NOTUM: variants seen among roughly 807,000 people sequenced by gnomAD.
NOTUM encodes notum, palmitoleoyl-protein carboxylesterase.
In NOTUM, 36 loss-of-function variants were observed where a neutral mutation model predicts 65.5. That is an observed-to-expected ratio of 0.55 (90% CI 0.42 to 0.73). The LOEUF (loss-of-function observed/expected upper bound fraction) is 0.73. Among genes scored for constraint, NOTUM ranks in the 30% least tolerant of loss-of-function variants. NOTUM has a pLI of 0.00. For synonymous variants in NOTUM, 356 were observed against 297.9 expected (o/e 1.20, Z -2.01); for missense variants, 659 against 694.2 (o/e 0.95, Z 0.57).
chr17:81,959,308 G>A, intron 3 of NOTUM, 163 bp downstream of exon 3: 2 of 628,034 alleles, frequency 3.2e-6, no homozygotes, highest in East Asian at 2.7e-5. Flanking sequence ...TGTGGAATGG[G>A]CCCCAAAAGG....
Position 81,960,525 on chromosome 17 carries a change from A to T in NOTUM, c.323+62T>A. 8.4e-7 allele frequency: 1 copy of T among 1,191,876 alleles called. No homozygotes were observed. Among genetic ancestry groups the T allele is most frequent in the Non-Finnish European group, 1.1e-6 (1 of 885,972 alleles). The allele number at this position is 1,191,876 out of a possible 1,614,324, so 73.8% of individuals were successfully genotyped here. On this transcript the variant is annotated intron_variant, in intron 1 of 10. Transcript: ENST00000409678. This position sits in a 1 kb window ranked among gnomAD's most constrained non-coding sequence, Gnocchi z 6.4. ...GAGAGAACGGCCGCGGCCCGCAGGG[A>T]AGGTCCAGCCGGAGACCGGGCGCGT...
chr17:81,956,032 C>T (rs2041430733), intron 8 of NOTUM, among the ~76,000 whole-genome samples: 1 of 152,102 alleles, frequency 6.6e-6, no homozygotes, highest in African/African-American at 2.4e-5. Flanking sequence ...AGTCATAGGC[C>T]CCCACAGAAT....
At chr17:81,958,730 G>A (rs545314558) in intron 4 of NOTUM, among the ~76,000 whole-genome samples, 1 of 151,002 alleles carries the variant, frequency 6.6e-6, no homozygotes, top group East Asian at 2.0e-4. Context: ...TCCCCACCAG[G>A]AAGGACCATC....
chr17:81,957,124 C>T, intron 6 of NOTUM, 50 bp from the exon 7 acceptor site: 1 of 1,503,620 alleles, frequency 6.7e-7, no homozygotes, highest in Non-Finnish European at 9.0e-7. Flanking sequence ...GAGGCACTCA[C>T]CTCCCCCGAG....
chr17:81,958,003 G>A (rs2041446201), intron 5 of NOTUM, 95 bp from the exon 6 acceptor site: 13 of 906,620 alleles, frequency 1.4e-5, no homozygotes, highest in Non-Finnish European at 2.3e-5. Flanking sequence ...TTGCCCCACT[G>A]GGGGACTGGG....
Position 81,953,287 on chromosome 17 carries a change from G to C in NOTUM, c.1185-20C>G. 1 of 1,534,674 alleles carries C rather than the reference G, an allele frequency of 6.5e-7. No individual in the cohort carries two copies. Among genetic ancestry groups the C allele is most frequent in the South Asian group, 1.1e-5 (1 of 88,038 alleles). On this transcript the variant is annotated intron_variant, in intron 10 of 10. Coordinates refer to ENST00000409678, the MANE Select transcript of NOTUM (RefSeq NM_178493.6). ...CAGTGGCTGCAGAGGAAAACCGGGG[G>C]AGGGGGTCACATGTGCGGAGTGGCA...
In NOTUM at chr17:81,953,287, G is replaced by A. The variant is rs778280738; in HGVS notation, c.1185-20C>T. The A allele has an allele frequency of 7.8e-6, 12 of 1,534,530 alleles. No homozygotes were observed. In the African/African-American group the frequency reaches 1.2e-4, roughly 15 times the overall value. On this transcript the variant is annotated intron_variant, in intron 10 of 10. Coordinates refer to ENST00000409678, the MANE Select transcript of NOTUM (RefSeq NM_178493.6). Reference sequence around the variant, plus strand: ...CAGTGGCTGCAGAGGAAAACCGGGGGAGGGGGTCACATGTGCGGAGTGGCA... The same window carrying A: ...CAGTGGCTGCAGAGGAAAACCGGGGAAGGGGGTCACATGTGCGGAGTGGCA...
In NOTUM at chr17:81,953,141, C is replaced by T. The variant is rs2041400356; in HGVS notation, c.1311G>A (p.Val437=). ...TGCAGTGGGGCCAGGGGCAGCTGTC[C>T]ACCAGGTGGACGGGGCAGCCCTTGA... The part of the protein sequence containing the change: ...TPLKGCPVHL[V]DSCPWPHCNP... The change falls in exon 11 of 11, where the codon GTG becomes GTA. Residue 437 remains valine, a synonymous_variant. Coordinates refer to ENST00000409678, the MANE Select transcript of NOTUM (RefSeq NM_178493.6). 2 of 1,613,394 alleles carry T rather than the reference C, an allele frequency of 1.2e-6. No homozygotes were observed. Among genetic ancestry groups the T allele is most frequent in the Non-Finnish European group, 1.7e-6 (2 of 1,179,620 alleles).
chr17:81,959,577 G>A lies in NOTUM; in HGVS notation c.377-11C>T, dbSNP rs1161652987. The A allele has an allele frequency of 7.8e-6, 12 of 1,548,088 alleles. No homozygotes were observed. Among genetic ancestry groups the A allele is most frequent in the South Asian group, 6.0e-5 (5 of 83,976 alleles). On this transcript the variant is annotated splice_polypyrimidine_tract_variant and intron_variant, in intron 2 of 10. Transcript: ENST00000409678. ...AGCAGTACCAGCCGCCTGCGGACAC[G>A]ACCGCCGCTCAGGCCCGCGCGCACA...
Position 81,956,976 on chromosome 17 carries a change from G to A in NOTUM, c.794C>T (p.Ser265Phe). The change falls in exon 7 of 11, where the codon TCC becomes TTC. Residue 265 changes from serine to phenylalanine, a missense_variant. Coordinates refer to ENST00000409678, the MANE Select transcript of NOTUM (RefSeq NM_178493.6). The stretch of plus-strand genomic sequence containing the variant: ...CTGCTTGTTGTCCAGGAACCAGCCG[G>A]AGTCAGCCAGGCCTCGCACCTGGAT... ...PAIQVRGLAD[S>F]GWFLDNKQYR... 2 of 1,613,332 alleles carry A rather than the reference G, an allele frequency of 1.2e-6. No individual in the cohort carries two copies. The highest frequency in any genetic ancestry group is 1.7e-6 in the Non-Finnish European group (2 of 1,179,924).
chr17:81,959,409 G>C lies in NOTUM; in HGVS notation c.472+62C>G, dbSNP rs140795691. ...TGGGGGCCTGGCTGGGGCTCCAGGAGGCGGGCGCGGCTTCCTCCCGGGCCT... is the reference window on the plus strand; with the variant it reads ...TGGGGGCCTGGCTGGGGCTCCAGGACGCGGGCGCGGCTTCCTCCCGGGCCT... On this transcript the variant is annotated intron_variant, in intron 3 of 10. Coordinates refer to ENST00000409678, the MANE Select transcript of NOTUM (RefSeq NM_178493.6). 7,269 of 1,297,250 alleles carry C rather than the reference G, an allele frequency of 5.6e-3. 355 individuals are homozygous for C. The African/African-American group carries it at 0.096, about 17-fold the overall frequency. The allele number at this position is 1,297,250 out of a possible 1,614,324, so 80.4% of individuals were successfully genotyped here. A position where few individuals can be genotyped will look rare whatever the true frequency, so the allele number is the denominator to read the frequency against.
Position 81,960,960 on chromosome 17 carries a change from G to A in NOTUM, c.-51C>T, listed in dbSNP as rs2143951454. On this transcript the variant is annotated 5_prime_UTR_variant, in exon 1 of 11. Transcript: ENST00000409678. The surrounding 1 kb of genome is among the most constrained non-coding windows in gnomAD (Gnocchi z 6.4). ...GCGGCCTTGAGGCGGCGGCGGCGGCGGCGGGGGATGCCGGGCCGGGGGTGC... is the reference window on the plus strand; with the variant it reads ...GCGGCCTTGAGGCGGCGGCGGCGGCAGCGGGGGATGCCGGGCCGGGGGTGC... 1 of 1,082,934 alleles carries A rather than the reference G, an allele frequency of 9.2e-7. No homozygotes were observed. The highest frequency in any genetic ancestry group is 1.2e-6 in the Non-Finnish European group (1 of 866,952). 67.1% of individuals were successfully genotyped at this position (1,082,934 alleles called of 1,614,324 possible). A position where few individuals can be genotyped will look rare whatever the true frequency, so the allele number is the denominator to read the frequency against.
Position 81,958,351 on chromosome 17 carries a change from T to C in NOTUM, c.576A>G (p.Ser192=), listed in dbSNP as rs769410158. 3.6e-5 allele frequency: 58 copies of C among 1,610,132 alleles called. No individual in the cohort carries two copies. The highest frequency in any genetic ancestry group is 4.9e-5 in the Non-Finnish European group (58 of 1,177,870). The change falls in exon 5 of 11, where the codon TCA becomes TCG. Residue 192 remains serine (S), a synonymous_variant. Transcript: ENST00000409678. ...GAGACTCACTCTTCTCAGACTTGGA[T>C]GAAGCCCCGCTCCAAACATCACTGG... The part of the protein sequence containing the change: ...YCSSDVWSGA[S]SKSEKNEYAF...
At chr17:81,959,258 G>A (rs866584674) in intron 3 of NOTUM, 159 of 610,594 alleles carry the variant, frequency 2.6e-4, no homozygotes, top group Middle Eastern at 8.7e-4. Context: ...CTTTGACCCT[G>A]GGGAGGGCCA....
chr17:81,957,164 G>A (rs1037598998), intron 6 of NOTUM, 90 bp from the exon 7 acceptor site: 2 of 1,072,266 alleles, frequency 1.9e-6, no homozygotes, highest in South Asian at 1.5e-5. Flanking sequence ...TGCCCCGAGG[G>A]GGGCAGGAGT....
At position 81,957,907 on chromosome 17, in the gene NOTUM, G is replaced by A. The variant is rs573529501; in HGVS notation, c.594C>T (p.Asn198=). The A allele has an allele frequency of 6.3e-6, 10 of 1,594,034 alleles. No individual in the cohort carries two copies. The highest frequency in any genetic ancestry group is 1.7e-4 in the Middle Eastern group (1 of 6,048). Residue 198 remains asparagine (N), a splice_region_variant and synonymous_variant, in exon 6 of 11, where the codon AAC becomes AAT. Coordinates refer to ENST00000409678, the MANE Select transcript of NOTUM (RefSeq NM_178493.6). ...TGAGGGCGCCCATGAAGGCGTACTC[G>A]TCTGCAAGAGGGAGGGGGTGGCCTC... ...WSGASSKSEK[N]EYAFMGALII...
chr17:81,960,851 C>A lies in NOTUM; in HGVS notation c.59G>T (p.Ser20Ile), dbSNP rs2041470807. The A allele has an allele frequency of 6.7e-7, 1 of 1,493,584 alleles. No homozygotes were observed. The highest frequency in any genetic ancestry group is 8.9e-7 in the Non-Finnish European group (1 of 1,125,900). The allele number at this position is 1,493,584 out of a possible 1,614,324, so 92.5% of individuals were successfully genotyped here. Residue 20 changes from serine to isoleucine, a missense_variant, in exon 1 of 11, where the codon AGC (serine) becomes ATC (isoleucine). Physicochemically the swap from Ser to Ile is moderately radical, Grantham distance 142. Coordinates refer to ENST00000409678, the MANE Select transcript of NOTUM (RefSeq NM_178493.6). The surrounding 1 kb of genome is among the most constrained non-coding windows in gnomAD (Gnocchi z 6.4). ...GCGCCGCCAGGTCTTCCTGCCCTCG[C>A]TGCCCCCGGCGCAGTGCAGCAGGCT... is the stretch of plus-strand genomic sequence containing the variant. The part of the protein sequence containing the change: ...LLSLLHCAGG[S>I]EGRKTWRRRG...
chr17:81,960,448 C>G lies in NOTUM; in HGVS notation c.323+139G>C, dbSNP rs958920873. ...ACGCGGAGAGTCACCGAACCGGGCA[C>G]TCCTCGGGGCCAGGACCGCGGGGCG... On this transcript the variant is annotated intron_variant, in intron 1 of 10. Coordinates refer to ENST00000409678, the MANE Select transcript of NOTUM (RefSeq NM_178493.6). This position sits in a 1 kb window ranked among gnomAD's most constrained non-coding sequence, Gnocchi z 6.4. 6 of 566,448 alleles carry G rather than the reference C, an allele frequency of 1.1e-5. No individual in the cohort carries two copies. The highest frequency in any genetic ancestry group is 1.8e-5 in the Non-Finnish European group (6 of 340,694). 35.1% of individuals were successfully genotyped at this position (566,448 alleles called of 1,614,324 possible).
Position 81,960,967 on chromosome 17 carries a change from G to T in NOTUM, c.-58C>A. 2 of 1,030,728 alleles carry T rather than the reference G, an allele frequency of 1.9e-6. No homozygotes were observed. The highest frequency in any genetic ancestry group is 2.4e-6 in the Non-Finnish European group (2 of 821,966). 63.8% of individuals were successfully genotyped at this position (1,030,728 alleles called of 1,614,324 possible). A position where few individuals can be genotyped will look rare whatever the true frequency, so the allele number is the denominator to read the frequency against. ...TGAGGCGGCGGCGGCGGCGGCGGGG[G>T]ATGCCGGGCCGGGGGTGCCGGGCCG... On this transcript the variant is annotated 5_prime_UTR_variant, in exon 1 of 11. Coordinates refer to ENST00000409678, the MANE Select transcript of NOTUM (RefSeq NM_178493.6). The surrounding 1 kb of genome is among the most constrained non-coding windows in gnomAD (Gnocchi z 6.4).
Sources: allele counts gnomAD v4.1 joint callset (sites outside exome capture counted in the v4.1 genomes callset), GRCh38; gene constraint gnomAD v4.1.1; non-coding constraint Gnocchi (gnomAD v3.1); transcripts MANE v1.5; gene names NCBI Gene and HGNC (gene_info 2026-07-23, HGNC 2026-07-21).